The following ERCC3 variants were observed in gnomAD, a reference collection of about 807,000 sequenced individuals.
ERCC3 encodes ERCC excision repair 3, TFIIH core complex helicase subunit.
A neutral mutation model predicts 94.2 loss-of-function variants in ERCC3; 66 were observed. The ratio of observed to expected loss-of-function variants is 0.70; its 90% CI spans 0.57 to 0.86. The LOEUF (loss-of-function observed/expected upper bound fraction) is 0.86, where lower values mean the gene tolerates loss of function less well. Ranked by LOEUF, ERCC3 falls within the 40% of genes least tolerant of loss-of-function variation. ERCC3 has a pLI of 0.00. For missense variants in ERCC3, 829 were observed against 987.1 expected (o/e 0.84, Z 2.15); for synonymous variants, 349 against 369.1 (o/e 0.95, Z 0.63).
intron 7 of ERCC3, among the ~76,000 whole-genome samples, 175 bp downstream of exon 7, chr2:127,288,485 A>G (rs1164628135): frequency 6.6e-6 from 1 of 152,124 alleles, no homozygotes; most frequent in Admixed American, 6.5e-5. Context: ...TGTCCAGGCC[A>G]GGGCCCATAC....
chr2:127,257,756 T>C lies in ERCC3; in HGVS notation c.2218-29A>G. The C allele has an allele frequency of 6.2e-7, 1 of 1,614,048 alleles. No individual in the cohort carries two copies. The highest frequency in any genetic ancestry group is 8.5e-7 in the Non-Finnish European group (1 of 1,179,920). On this transcript the variant is annotated intron_variant, in intron 14 of 14. Coordinates refer to ENST00000285398, the MANE Select transcript of ERCC3 (RefSeq NM_000122.2). This position sits in a 1 kb window ranked among gnomAD's most constrained non-coding sequence, Gnocchi z 5.4. Reference sequence around the variant, plus strand: ...CCGGGAAGGGGGAACCAGCCCATGTTAGTCTCCAGAAGAAAAGATACTCCT... The same window carrying C: ...CCGGGAAGGGGGAACCAGCCCATGTCAGTCTCCAGAAGAAAAGATACTCCT...
Position 127,280,414 on chromosome 2 carries a change from T to C in ERCC3, c.1527+33A>G. On this transcript the variant is annotated intron_variant, in intron 9 of 14. Coordinates refer to ENST00000285398, the MANE Select transcript of ERCC3 (RefSeq NM_000122.2). This position sits in a 1 kb window ranked among gnomAD's most constrained non-coding sequence, Gnocchi z 6.3. ...CTCCCCTGCCCATAGGAGGAGGCCCTTTCCCAGACGCCCCCAGCCCAGGCC... is the reference window on the plus strand; with the variant it reads ...CTCCCCTGCCCATAGGAGGAGGCCCCTTCCCAGACGCCCCCAGCCCAGGCC... 1 of 1,593,100 alleles carries C rather than the reference T, an allele frequency of 6.3e-7. No homozygotes were observed. Among genetic ancestry groups the C allele is most frequent in the Non-Finnish European group, 8.6e-7 (1 of 1,168,692 alleles).
rs1226152481 is a variant in ERCC3, at chr2:127,257,757, A to C, written c.2218-30T>G. On this transcript the variant is annotated intron_variant, in intron 14 of 14. Transcript: ENST00000285398. This position sits in a 1 kb window ranked among gnomAD's most constrained non-coding sequence, Gnocchi z 5.4. ...CGGGAAGGGGGAACCAGCCCATGTT[A>C]GTCTCCAGAAGAAAAGATACTCCTT... 1.2e-6 allele frequency: 2 copies of C among 1,613,866 alleles called. No homozygotes were observed. Among genetic ancestry groups the C allele is most frequent in the African/African-American group, 2.7e-5 (2 of 74,944 alleles).
At position 127,291,549 on chromosome 2, in the gene ERCC3, C is replaced by T. The variant is rs1375499433; in HGVS notation, c.471+1061G>A. Among the ~76,000 whole-genome samples the T allele has an allele frequency of 6.6e-6, 1 of 152,094 alleles. No individual in the cohort carries two copies. Among genetic ancestry groups the T allele is most frequent in the East Asian group, 1.9e-4 (1 of 5,168 alleles). On this transcript the variant is annotated intron_variant, in intron 3 of 14. Transcript: ENST00000285398. This position sits in a 1 kb window ranked among gnomAD's most constrained non-coding sequence, Gnocchi z 4.9. Reference sequence around the variant, plus strand: ...GTGCTGGGATTACAGGAGTGAGCCACTGCACCTGGCCGGGCACGCTTTCAC... The same window carrying T: ...GTGCTGGGATTACAGGAGTGAGCCATTGCACCTGGCCGGGCACGCTTTCAC...
chr2:127,261,024 C>T, intron 13 of ERCC3: 1 of 591,522 alleles, frequency 1.7e-6, no homozygotes, highest in East Asian at 3.0e-5. Flanking sequence ...AGTGCCATGG[C>T]ACCTCAGTCC....
chr2:127,292,324 C>A, intron 3 of ERCC3: 1 of 504,008 alleles, frequency 2.0e-6, no homozygotes. Context: ...GAATTAGTAG[C>A]CCCTCTGTGT....
chr2:127,285,485 G>T (rs1283468932), intron 8 of ERCC3, among the ~76,000 whole-genome samples: 1 of 152,158 alleles, frequency 6.6e-6, no homozygotes, highest in African/African-American at 2.4e-5. Flanking sequence ...GAAGTCAGGA[G>T]TTTGAGACCA....
intron 10 of ERCC3, 134 bp from the exon 11 acceptor site, chr2:127,273,095 C>A (rs55840419): frequency 3.1e-6 from 2 of 640,842 alleles, no homozygotes; most frequent in Non-Finnish European, 5.7e-6. Context: ...TATCGTTACA[C>A]CCAAAAAAAT....
At position 127,288,719 on chromosome 2, in the gene ERCC3, C is replaced by G. The variant is rs776936481; in HGVS notation, c.968G>C (p.Ser323Thr). 1 of 1,614,162 alleles carries G rather than the reference C, an allele frequency of 6.2e-7. No individual in the cohort carries two copies. Among genetic ancestry groups the G allele is most frequent in the Non-Finnish European group, 8.5e-7 (1 of 1,180,026 alleles). The change falls in exon 7 of 15, where the codon AGC (serine) becomes ACC (threonine). Residue 323 changes from serine (S) to threonine (T), a missense_variant. Transcript: ENST00000285398. ...TAVLRPYQEK[S>T]LRKMFGNGRA... ...CCCGTTTCCAAACATCTTTCGCAAG[C>G]TCTTCTCCTGATAGGGTCTGAGGAC...
At chr2:127,290,327 T>C (rs1044358531) in intron 3 of ERCC3, 54 bp from the exon 4 acceptor site, 3 of 1,376,078 alleles carry the variant, frequency 2.2e-6, no homozygotes, top group Non-Finnish European at 3.1e-6. Context: ...TCAGAACACA[T>C]TCATTACTGG....
intron 8 of ERCC3, among the ~76,000 whole-genome samples, chr2:127,286,321 T>C (rs1685064434): frequency 6.6e-6 from 1 of 151,978 alleles, no homozygotes; most frequent in South Asian, 2.1e-4. Context: ...GAGGATGAGG[T>C]GGGTGGATCA....
At chr2:127,292,332 T>A in intron 3 of ERCC3, 1 of 524,700 alleles carries the variant, frequency 1.9e-6, no homozygotes, top group Non-Finnish European at 3.5e-6. Flanking sequence ...AGCCCCTCTG[T>A]GTTAATACCC....
chr2:127,265,480 G>T (rs772989125), intron 12 of ERCC3, among the ~76,000 whole-genome samples: 22 of 152,180 alleles, frequency 1.4e-4, no homozygotes, highest in African/African-American at 5.1e-4. Flanking sequence ...GTGCAGAGGT[G>T]CGATCTCGGC....
chr2:127,281,062 C>T (rs992013435), intron 8 of ERCC3: 2 of 425,868 alleles, frequency 4.7e-6, no homozygotes, highest in African/African-American at 4.1e-5. Context: ...CCCCTCACAA[C>T]AGTTATCAGT....
chr2:127,290,287 T>C lies in ERCC3; in HGVS notation c.472-14A>G, dbSNP rs1407858053. ...GACAGTACACAACTGCAAATACAGA[T>C]AACATCCAACAGGTAAATGTGCAGC... is the stretch of plus-strand genomic sequence containing the variant. On this transcript the variant is annotated splice_polypyrimidine_tract_variant and intron_variant, in intron 3 of 14. Coordinates refer to ENST00000285398, the MANE Select transcript of ERCC3 (RefSeq NM_000122.2). The C allele has an allele frequency of 6.2e-7, 1 of 1,609,360 alleles. No individual in the cohort carries two copies. The highest frequency in any genetic ancestry group is 8.5e-7 in the Non-Finnish European group (1 of 1,175,690).
Position 127,280,396 on chromosome 2 carries a change from G to A in ERCC3, c.1527+51C>T. Reference sequence around the variant, plus strand: ...GAGGAATCGATCTGATCACTCCCCTGCCCATAGGAGGAGGCCCTTTCCCAG... The same window carrying A: ...GAGGAATCGATCTGATCACTCCCCTACCCATAGGAGGAGGCCCTTTCCCAG... On this transcript the variant is annotated intron_variant, in intron 9 of 14. Coordinates refer to ENST00000285398, the MANE Select transcript of ERCC3 (RefSeq NM_000122.2). This position sits in a 1 kb window ranked among gnomAD's most constrained non-coding sequence, Gnocchi z 6.3. The A allele has an allele frequency of 7.3e-6, 11 of 1,513,142 alleles. No homozygotes were observed. Among genetic ancestry groups the A allele is most frequent in the Non-Finnish European group, 1.0e-5 (11 of 1,102,288 alleles). 93.7% of individuals were successfully genotyped at this position (1,513,142 alleles called of 1,614,324 possible). A position where few individuals can be genotyped will look rare whatever the true frequency, so the allele number is the denominator to read the frequency against.
intron 12 of ERCC3, among the ~76,000 whole-genome samples, chr2:127,265,603 G>A (rs956262126): frequency 6.6e-6 from 1 of 152,128 alleles, no homozygotes; most frequent in Non-Finnish European, 1.5e-5. Flanking sequence ...ATTTTTAGTA[G>A]AGACGGGGTT....
chr2:127,278,330 T>C (rs1349876083), intron 10 of ERCC3, among the ~76,000 whole-genome samples: 13 of 151,876 alleles, frequency 8.6e-5, no homozygotes, highest in Admixed American at 8.5e-4. Flanking sequence ...GGAATAGAAT[T>C]GTGGGTGGGA....
rs769445383 is a variant in ERCC3 at position 127,293,755 on chromosome 2, G to T, written c.29-37C>A. 1.9e-6 allele frequency: 3 copies of T among 1,605,868 alleles called. No homozygotes were observed. In the South Asian group the frequency reaches 3.3e-5, roughly 18 times the overall value. ...CAACACAGAAGTAAGCCCAGCAGGA[G>T]CCTTCAGGGTTCCCTCCGCACCGCT... On this transcript the variant is annotated intron_variant, in intron 1 of 14. Transcript: ENST00000285398.
Sources: allele counts gnomAD v4.1 joint callset (sites outside exome capture counted in the v4.1 genomes callset), GRCh38; gene constraint gnomAD v4.1.1; non-coding constraint Gnocchi (gnomAD v3.1); transcripts MANE v1.5; gene names NCBI Gene and HGNC (gene_info 2026-07-23, HGNC 2026-07-21).